The following DOCK4 variants were observed in gnomAD, a reference collection of about 807,000 sequenced individuals.
The protein encoded by DOCK4 is dedicator of cytokinesis 4.
Under a neutral mutation model 268.1 loss-of-function variants are expected in DOCK4, and 97 were observed. The ratio of observed to expected loss-of-function variants is 0.36; its 90% CI spans 0.31 to 0.43. DOCK4 has a LOEUF of 0.43. Among genes scored for constraint, DOCK4 ranks in the 20% least tolerant of loss-of-function variants. DOCK4 has a pLI of 1.00. For synonymous variants in DOCK4, 954 were observed against 887.2 expected (o/e 1.08, Z -1.34); for missense variants, 2,145 against 2,455.7 (o/e 0.87, Z 2.67).
chr7:111,993,995 C>CT, intron 5 of DOCK4, 140 bp downstream of exon 5: 1 of 489,896 alleles, frequency 2.0e-6, no homozygotes, highest in South Asian at 4.3e-5. Context: ...TGTAACAAGA[C>CT]TGTCTTGTTA....
chr7:112,205,631 T>C (rs926539348), intron 1 of DOCK4, among the ~76,000 whole-genome samples: 8 of 152,094 alleles, frequency 5.3e-5, no homozygotes, highest in Non-Finnish European at 1.2e-4. Context: ...GGTTTGCGCC[T>C]CCCTACTGTT....
At chr7:112,113,734 A>ATTTTTTTTTTTTTTTTTTTT (rs57672966) in intron 1 of DOCK4, among the ~76,000 whole-genome samples, 1 of 49,548 alleles carries the variant, frequency 2.0e-5, no homozygotes, top group Non-Finnish European at 3.7e-5. Flanking sequence ...TACTTGGCTG[A>ATTTTTTTTTTTTTTTTTTTT]TTTTTTTTTT....
intron 13 of DOCK4, among the ~76,000 whole-genome samples, chr7:111,905,818 A>C (rs1791522864): frequency 6.6e-6 from 1 of 152,078 alleles, no homozygotes; most frequent in African/African-American, 2.4e-5. Context: ...AAAATGTGTA[A>C]ATGACTTAGG....
At chr7:112,134,364 C>T (rs970788747) in intron 1 of DOCK4, among the ~76,000 whole-genome samples, 76 of 152,278 alleles carry the variant, frequency 5.0e-4, no homozygotes, top group African/African-American at 1.8e-3. Flanking sequence ...GGCAGGTTGA[C>T]CCAATAAACT....
rs528123224 is a variant in DOCK4, at chr7:112,053,362, C to A, written c.38-49231G>T. Among the ~76,000 whole-genome samples, 127 of 152,246 alleles carry A rather than the reference C, an allele frequency of 8.3e-4. 5 individuals are homozygous for A. In the South Asian group the frequency reaches 0.025, roughly 30 times the overall value. ...ACAAGGCAAAGGAAAAACAGTCTTG[C>A]CTGTCTCATTTTTGTGACTCAGTGC... On this transcript the variant is annotated intron_variant, in intron 1 of 52. Transcript: ENST00000428084.
In DOCK4 at chr7:112,162,963, T is replaced by C. The variant is rs538462007; in HGVS notation, c.37+43139A>G. On this transcript the variant is annotated intron_variant, in intron 1 of 52. Coordinates refer to ENST00000428084, the MANE Select transcript of DOCK4 (RefSeq NM_001363540.2). Reference sequence around the variant, plus strand: ...AGATTTCTTTGTTCATTATACTGTATGCAACGTAACACTGCCTGAGTGTGG... The same window carrying C: ...AGATTTCTTTGTTCATTATACTGTACGCAACGTAACACTGCCTGAGTGTGG... Among the ~76,000 whole-genome samples the C allele has an allele frequency of 5.9e-5, 9 of 152,344 alleles. 1 individual carries two copies. The highest frequency in any genetic ancestry group is 1.9e-4 in the African/African-American group (8 of 41,588).
intron 23 of DOCK4, among the ~76,000 whole-genome samples, chr7:111,857,152 A>G (rs1413964300): frequency 6.6e-6 from 1 of 152,248 alleles, no homozygotes; most frequent in African/African-American, 2.4e-5. Context: ...CAACTGTAGT[A>G]AGATTTTATT....
intron 8 of DOCK4, among the ~76,000 whole-genome samples, chr7:111,962,665 T>A (rs1429861162): frequency 7.3e-6 from 1 of 136,980 alleles, no homozygotes; most frequent in Non-Finnish European, 1.5e-5. Flanking sequence ...ACCTCACCAA[T>A]TGCATTCATT....
rs572895767 is a variant in DOCK4, at chr7:112,022,500, G to A, written c.38-18369C>T. On this transcript the variant is annotated intron_variant, in intron 1 of 52. Transcript: ENST00000428084. Reference sequence around the variant, plus strand: ...GGTGAGGAGCATGGCTCAGGCTTCTGCATAGGTGGGTTCAAATCCCATTCC... The same window carrying A: ...GGTGAGGAGCATGGCTCAGGCTTCTACATAGGTGGGTTCAAATCCCATTCC... Among the ~76,000 whole-genome samples, 7 of 152,324 alleles carry A rather than the reference G, an allele frequency of 4.6e-5. No homozygotes were observed. In the East Asian group the frequency reaches 1.4e-3, roughly 29 times the overall value.
chr7:111,901,605 G>T (rs995528171), intron 14 of DOCK4, 72 bp downstream of exon 14: 1 of 1,413,958 alleles, frequency 7.1e-7, no homozygotes. Flanking sequence ...GAAAATAACT[G>T]ATCACATTAA....
intron 1 of DOCK4, among the ~76,000 whole-genome samples, chr7:112,130,641 G>GA (rs1400273375): frequency 1.3e-5 from 2 of 152,130 alleles, no homozygotes; most frequent in African/African-American, 2.4e-5. Context: ...GGTTGAATCA[G>GA]AAAAAAATAC....
At chr7:111,758,441 A>T (rs1246401953) in intron 41 of DOCK4, among the ~76,000 whole-genome samples, 183 bp downstream of exon 41, 1 of 152,204 alleles carries the variant, frequency 6.6e-6, no homozygotes, top group Admixed American at 6.5e-5. Flanking sequence ...CTGCTTGGTT[A>T]GGGAGCACTC....
At chr7:111,774,674 G>A (rs1465288357) in intron 36 of DOCK4, among the ~76,000 whole-genome samples, 1 of 152,078 alleles carries the variant, frequency 6.6e-6, no homozygotes, top group Non-Finnish European at 1.5e-5. Context: ...TGGTACAAGT[G>A]GTAAGATGAG....
chr7:111,822,356 T>A lies in DOCK4; in HGVS notation c.2930+6A>T. On this transcript the variant is annotated splice_donor_region_variant and intron_variant, in intron 27 of 52. Coordinates refer to ENST00000428084, the MANE Select transcript of DOCK4 (RefSeq NM_001363540.2). ...GCTGCAATTATCATCAACTTAAATG[T>A]CTTACTTGTTAGCAACCAAGCGCAT... The A allele has an allele frequency of 6.2e-7, 1 of 1,609,478 alleles. No individual in the cohort carries two copies. The highest frequency in any genetic ancestry group is 8.5e-7 in the Non-Finnish European group (1 of 1,176,744).
chr7:112,008,849 C>T (rs1801065090), intron 1 of DOCK4, among the ~76,000 whole-genome samples: 1 of 152,140 alleles, frequency 6.6e-6, no homozygotes, highest in African/African-American at 2.4e-5. Flanking sequence ...CAAAAAGTAG[C>T]TGGGCGTGGT....
intron 39 of DOCK4, 21 bp from the exon 40 acceptor site, chr7:111,760,343 G>A (rs765852463): frequency 3.1e-6 from 5 of 1,608,502 alleles, no homozygotes; most frequent in Admixed American, 1.7e-5. Flanking sequence ...AAGCAAAAAA[G>A]AAATTAGGGC....
chr7:111,869,330 C>G (rs1806232013), intron 21 of DOCK4: 1 of 446,894 alleles, frequency 2.2e-6, no homozygotes, highest in Non-Finnish European at 4.2e-6. Context: ...GACTTCACTT[C>G]AAGTACTCTC....
intron 1 of DOCK4, among the ~76,000 whole-genome samples, chr7:112,033,118 T>C (rs1803431996): frequency 1.3e-5 from 2 of 152,148 alleles, no homozygotes; most frequent in African/African-American, 4.8e-5. Context: ...CTGCACATAT[T>C]TCTGAAAAGC....
chr7:111,947,255 C>A (rs145769322), intron 8 of DOCK4, among the ~76,000 whole-genome samples: 1 of 152,138 alleles, frequency 6.6e-6, no homozygotes, highest in African/African-American at 2.4e-5. Context: ...GATATGAGAA[C>A]CATAAACAGA....
Sources: allele counts gnomAD v4.1 joint callset (sites outside exome capture counted in the v4.1 genomes callset), GRCh38; gene constraint gnomAD v4.1.1; transcripts MANE v1.5; gene names NCBI Gene and HGNC (gene_info 2026-07-23, HGNC 2026-07-21).